Variants in STK32B observed in about 807,000 individuals in gnomAD.
STK32B encodes the protein serine/threonine kinase 32B.
STK32B carries 43 observed loss-of-function variants against 52.6 expected under a neutral mutation model. That is an observed-to-expected ratio of 0.82 (90% CI 0.64 to 1.05). The LOEUF (loss-of-function observed/expected upper bound fraction) is 1.05, where lower values mean the gene tolerates loss of function less well. Ranked by LOEUF, STK32B falls within the 50% of genes least tolerant of loss-of-function variation. The pLI is 0.00. For synonymous variants in STK32B, 238 were observed against 204.3 expected (o/e 1.17, Z -1.41); for missense variants, 621 against 534.6 (o/e 1.16, Z -1.59).
intron 11 of STK32B, among the ~76,000 whole-genome samples, chr4:5,489,948 T>A (rs964335721): frequency 9.2e-5 from 14 of 152,196 alleles, no homozygotes; most frequent in African/African-American, 3.4e-4. Flanking sequence ...TAGACAGACA[T>A]ATATACATAC....
chr4:5,261,297 T>C lies in STK32B; in HGVS notation c.261-69923T>C, dbSNP rs1418786025. Among the ~76,000 whole-genome samples, 4 of 152,162 alleles carry C rather than the reference T, an allele frequency of 2.6e-5. No homozygotes were observed. In the South Asian group the frequency reaches 6.2e-4, roughly 24 times the overall value. On this transcript the variant is annotated intron_variant, in intron 3 of 11. Transcript: ENST00000282908. ...CAAAATTCTATGAACATGGAAAATA[T>C]ATGCATCCAGATTTGTATATTAGAA...
chr4:5,389,431 C>T (rs1325184362), intron 4 of STK32B, among the ~76,000 whole-genome samples: 6 of 152,166 alleles, frequency 3.9e-5, no homozygotes, highest in Non-Finnish European at 7.4e-5. Context: ...GGCCTTACTC[C>T]TTGGCTTGCA....
intron 3 of STK32B, among the ~76,000 whole-genome samples, chr4:5,291,377 C>T (rs893485327): frequency 5.0e-4 from 76 of 152,138 alleles, no homozygotes; most frequent in African/African-American, 1.7e-3. Context: ...GTACTGCTTT[C>T]ACCAAATGTA....
chr4:5,263,571 C>T (rs1256253658), intron 3 of STK32B, among the ~76,000 whole-genome samples: 1 of 152,214 alleles, frequency 6.6e-6, no homozygotes, highest in African/African-American at 2.4e-5. Context: ...CCTGGAAAAC[C>T]ATCACACTGG....
At chr4:5,149,724 A>G (rs998931469) in intron 2 of STK32B, among the ~76,000 whole-genome samples, 1 of 151,770 alleles carries the variant, frequency 6.6e-6, no homozygotes, top group African/African-American at 2.4e-5. Context: ...TTAAAAATAT[A>G]TATGTATAAT....
intron 9 of STK32B, among the ~76,000 whole-genome samples, chr4:5,462,430 T>A (rs554472163): frequency 2.0e-4 from 31 of 152,066 alleles, no homozygotes; most frequent in Non-Finnish European, 4.1e-4. Flanking sequence ...TGTGCAAGTG[T>A]GCCTTGGGGC....
At position 5,284,759 on chromosome 4, in the gene STK32B, C is replaced by T. The variant is rs139647266; in HGVS notation, c.261-46461C>T. 3.1e-3 allele frequency among the ~76,000 whole-genome samples: 474 copies of T among 152,278 alleles called. 2 individuals are homozygous for T. The highest frequency in any genetic ancestry group is 0.024 in the Middle Eastern group (7 of 294). ...CATCATATGATACTAATCATCTCCA[C>T]GTGAGCAGCTCATCTTTCCAGTAAA... is the stretch of plus-strand genomic sequence containing the variant. On this transcript the variant is annotated intron_variant, in intron 3 of 11. Transcript: ENST00000282908.
intron 4 of STK32B, among the ~76,000 whole-genome samples, chr4:5,361,643 T>C (rs1433224693): frequency 6.6e-6 from 1 of 152,246 alleles, no homozygotes; most frequent in Non-Finnish European, 1.5e-5. Flanking sequence ...CCATATTGCT[T>C]GGCCTATTTC....
intron 1 of STK32B, among the ~76,000 whole-genome samples, chr4:5,121,676 A>G (rs1202565999): frequency 6.6e-6 from 1 of 152,146 alleles, no homozygotes; most frequent in Non-Finnish European, 1.5e-5. Flanking sequence ...TGAAGGTAAG[A>G]GATATTATTG....
chr4:5,375,525 C>T (rs1234676013), intron 4 of STK32B, among the ~76,000 whole-genome samples: 1 of 152,092 alleles, frequency 6.6e-6, no homozygotes, highest in South Asian at 2.1e-4. Context: ...TTTCAGTTCA[C>T]ATATACTTGA....
chr4:5,407,374 C>T (rs1458877844), intron 5 of STK32B, among the ~76,000 whole-genome samples: 1 of 152,116 alleles, frequency 6.6e-6, no homozygotes, highest in Non-Finnish European at 1.5e-5. Flanking sequence ...CGCACTCTTC[C>T]AACCTCTGCC....
At chr4:5,366,373 A>G (rs1021342308) in intron 4 of STK32B, among the ~76,000 whole-genome samples, 5 of 152,244 alleles carry the variant, frequency 3.3e-5, no homozygotes, top group African/African-American at 9.6e-5. Flanking sequence ...AAATTAAAAC[A>G]GAGTGGAATA....
chr4:5,051,088 G>A (rs937926159), upstream of STK32B, among the ~76,000 whole-genome samples: 1 of 152,146 alleles, frequency 6.6e-6, no homozygotes, highest in Non-Finnish European at 1.5e-5. Context: ...AGAGCCAGCA[G>A]ACACTCCACT....
intron 1 of STK32B, among the ~76,000 whole-genome samples, chr4:5,118,101 AT>A (rs1714834055): frequency 1.3e-5 from 2 of 152,122 alleles, no homozygotes; most frequent in African/African-American, 4.8e-5. Context: ...TTTCTCTTCA[AT>A]TTTTTGGGAA....
rs972374303 is a variant in STK32B at position 5,365,243 on chromosome 4, A to G, written c.435-32964A>G. ...GAACAATGTAATTACTTCCCCTTCT[A>G]TGTTTTCACGGAACTTTGGCATACT... On this transcript the variant is annotated intron_variant, in intron 4 of 11. Coordinates refer to ENST00000282908, the MANE Select transcript of STK32B (RefSeq NM_018401.3). 4.0e-4 allele frequency among the ~76,000 whole-genome samples: 61 copies of G among 152,126 alleles called. 1 individual carries two copies. The highest frequency in any genetic ancestry group is 7.4e-5 in the Non-Finnish European group (5 of 68,014).
chr4:5,297,181 C>T (rs1194458342), intron 3 of STK32B, among the ~76,000 whole-genome samples: 2 of 152,182 alleles, frequency 1.3e-5, no homozygotes, highest in Admixed American at 6.5e-5. Context: ...TGTAGGTAAC[C>T]TGACCTTTCT....
chr4:5,364,262 C>G lies in STK32B; in HGVS notation c.434+32869C>G, dbSNP rs565694233. Among the ~76,000 whole-genome samples the G allele has an allele frequency of 9.1e-4, 138 of 152,276 alleles. 1 individual carries two copies. Among genetic ancestry groups the G allele is most frequent in the Admixed American group, 2.2e-3 (33 of 15,302 alleles). On this transcript the variant is annotated intron_variant, in intron 4 of 11. Coordinates refer to ENST00000282908, the MANE Select transcript of STK32B (RefSeq NM_018401.3). Reference sequence around the variant, plus strand: ...AATTCAGAATGATAGAAACCCAAATCAAGCCAGTTTAAGAAAAAATAATTT... The same window carrying G: ...AATTCAGAATGATAGAAACCCAAATGAAGCCAGTTTAAGAAAAAATAATTT...
At chr4:5,444,393 A>G (rs909906330) in intron 6 of STK32B, among the ~76,000 whole-genome samples, 4 of 152,030 alleles carry the variant, frequency 2.6e-5, no homozygotes, top group African/African-American at 9.7e-5. Flanking sequence ...CCTTTCTTTG[A>G]CTCGGAAAGG....
intron 1 of STK32B, among the ~76,000 whole-genome samples, chr4:5,079,446 A>G (rs1232257732): frequency 1.3e-5 from 2 of 152,214 alleles, no homozygotes; most frequent in African/African-American, 4.8e-5. Flanking sequence ...GCCAGGAAAG[A>G]GACATATTTT....
Sources: allele counts gnomAD v4.1 joint callset (sites outside exome capture counted in the v4.1 genomes callset), GRCh38; gene constraint gnomAD v4.1.1; transcripts MANE v1.5; gene names NCBI Gene and HGNC (gene_info 2026-07-23, HGNC 2026-07-21).